Variants in NELL1 observed in about 807,000 individuals in gnomAD.
NELL1 encodes neural EGFL like 1.
A neutral mutation model predicts 107.4 loss-of-function variants in NELL1; 76 were observed. That is an observed-to-expected ratio of 0.71 (90% confidence interval 0.59 to 0.86). The LOEUF (loss-of-function observed/expected upper bound fraction) is 0.86. Ranked by LOEUF, NELL1 falls within the 40% of genes least tolerant of loss-of-function variation. The pLI is 0.00. For synonymous variants in NELL1, 353 were observed against 341.2 expected (o/e 1.03, Z -0.38); for missense variants, 1,024 against 1,005.5 (o/e 1.02, Z -0.25).
intron 15 of NELL1, among the ~76,000 whole-genome samples, chr11:21,474,179 C>G (rs1157044188): frequency 1.3e-5 from 2 of 152,002 alleles, no homozygotes; most frequent in Admixed American, 6.6e-5. Context: ...ATTTTACTCA[C>G]ATTAACTTTC....
At chr11:21,403,137 A>G (rs1311253389) in intron 15 of NELL1, among the ~76,000 whole-genome samples, 2 of 151,740 alleles carry the variant, frequency 1.3e-5, no homozygotes, top group African/African-American at 2.4e-5. Context: ...CTCTATTTTC[A>G]TTATCTTAGA....
intron 12 of NELL1, among the ~76,000 whole-genome samples, chr11:21,053,809 G>T (rs1472708730): frequency 6.6e-6 from 1 of 152,160 alleles, no homozygotes; most frequent in Non-Finnish European, 1.5e-5. Context: ...ATGTGTCCAT[G>T]TTTACACTAG....
intron 2 of NELL1, among the ~76,000 whole-genome samples, chr11:20,778,233 C>A (rs1429767352): frequency 1.3e-5 from 2 of 152,182 alleles, no homozygotes; most frequent in Non-Finnish European, 2.9e-5. Flanking sequence ...TATTCTGCAA[C>A]TATTGTCATA....
At chr11:21,339,055 C>G (rs750386410) in intron 14 of NELL1, among the ~76,000 whole-genome samples, 1 of 152,168 alleles carries the variant, frequency 6.6e-6, no homozygotes, top group Non-Finnish European at 1.5e-5. Context: ...AGTTCTGAAG[C>G]CCTATTCTAA....
At chr11:21,101,425 C>T (rs1854809312) in intron 12 of NELL1, among the ~76,000 whole-genome samples, 1 of 152,196 alleles carries the variant, frequency 6.6e-6, no homozygotes, top group African/African-American at 2.4e-5. Context: ...CTGACTTCCA[C>T]AATGGTTGAA....
intron 14 of NELL1, among the ~76,000 whole-genome samples, chr11:21,319,166 T>C (rs141437142): frequency 5.3e-4 from 81 of 151,686 alleles, no homozygotes; most frequent in East Asian, 4.9e-3. Context: ...TATATGTATG[T>C]ATACATATTA....
intron 12 of NELL1, among the ~76,000 whole-genome samples, chr11:20,977,000 G>A (rs1369966359): frequency 6.6e-6 from 1 of 151,290 alleles, no homozygotes; most frequent in Admixed American, 6.6e-5. Flanking sequence ...TCGTCATTTT[G>A]CTTTCCTCTT....
intron 2 of NELL1, among the ~76,000 whole-genome samples, chr11:20,706,235 C>T (rs1394207537): frequency 6.6e-6 from 1 of 152,114 alleles, no homozygotes; most frequent in South Asian, 2.1e-4. Context: ...TATTGTGGCA[C>T]TATTCACAAT....
intron 14 of NELL1, among the ~76,000 whole-genome samples, chr11:21,321,816 G>A (rs533543374): frequency 6.6e-6 from 1 of 152,314 alleles, no homozygotes; most frequent in South Asian, 2.1e-4. Context: ...ATGGTGTAAG[G>A]TATTGAGAAT....
chr11:21,109,147 G>C (rs1855044267), intron 12 of NELL1, among the ~76,000 whole-genome samples: 1 of 152,074 alleles, frequency 6.6e-6, no homozygotes, highest in Non-Finnish European at 1.5e-5. Flanking sequence ...ACCACGAGGA[G>C]TCAAGATAAA....
chr11:20,767,748 A>G (rs1856561767), intron 2 of NELL1, among the ~76,000 whole-genome samples: 1 of 151,300 alleles, frequency 6.6e-6, no homozygotes, highest in South Asian at 2.1e-4. Flanking sequence ...TCATTCATTC[A>G]TGCACTCAAC....
intron 12 of NELL1, among the ~76,000 whole-genome samples, chr11:21,050,186 A>G (rs952189591): frequency 1.3e-5 from 2 of 152,102 alleles, no homozygotes; most frequent in Non-Finnish European, 2.9e-5. Context: ...TTAGCACATG[A>G]GATAATATGT....
intron 15 of NELL1, among the ~76,000 whole-genome samples, chr11:21,530,574 A>G (rs941171319): frequency 4.6e-5 from 7 of 152,072 alleles, no homozygotes; most frequent in African/African-American, 1.7e-4. Flanking sequence ...AATTATAGAA[A>G]TTGTTATAAT....
intron 12 of NELL1, among the ~76,000 whole-genome samples, chr11:21,089,160 G>A (rs1045236538): frequency 6.6e-6 from 1 of 152,166 alleles, no homozygotes; most frequent in Non-Finnish European, 1.5e-5. Flanking sequence ...TTATTTTTCA[G>A]TATAATAATT....
chr11:21,435,780 T>TTG (rs150816013), intron 15 of NELL1, among the ~76,000 whole-genome samples: 10 of 149,780 alleles, frequency 6.7e-5, no homozygotes, highest in South Asian at 2.1e-4. Context: ...GGTCTGTACT[T>TTG]TGTGTGTGTG....
Position 20,701,219 on chromosome 11 carries a change from T to C in NELL1, c.184+23159T>C, listed in dbSNP as rs531073870. Among the ~76,000 whole-genome samples the C allele has an allele frequency of 3.9e-5, 6 of 152,284 alleles. No individual in the cohort carries two copies. The East Asian group carries it at 9.6e-4, about 24-fold the overall frequency. On this transcript the variant is annotated intron_variant, in intron 2 of 19. Coordinates refer to ENST00000357134, the MANE Select transcript of NELL1 (RefSeq NM_006157.5). ...TGCCATTCTAACTGGTGTGAGATGG[T>C]ATCTCATTGTGGTTTTGATTTGCAT... is the stretch of plus-strand genomic sequence containing the variant.
At chr11:21,292,980 G>T (rs1254425599) in intron 14 of NELL1, among the ~76,000 whole-genome samples, 1 of 152,108 alleles carries the variant, frequency 6.6e-6, no homozygotes, top group Non-Finnish European at 1.5e-5. Context: ...AACCCTAGAA[G>T]AAAACCTAGG....
rs75648836 is a variant in NELL1 at position 21,124,175 on chromosome 11, C to T, written c.1426+10461C>T. Reference sequence around the variant, plus strand: ...AAATATAAGACAATGAACCTATATACATATTATTATGAGAAAAGTGTTATT... The same window carrying T: ...AAATATAAGACAATGAACCTATATATATATTATTATGAGAAAAGTGTTATT... On this transcript the variant is annotated intron_variant, in intron 13 of 19. Coordinates refer to ENST00000357134, the MANE Select transcript of NELL1 (RefSeq NM_006157.5). Among the ~76,000 whole-genome samples, 1,468 of 152,148 alleles carry T rather than the reference C, an allele frequency of 9.6e-3. 65 individuals are homozygous for T. The East Asian group carries it at 0.11, about 12-fold the overall frequency.
intron 13 of NELL1, among the ~76,000 whole-genome samples, chr11:21,193,411 G>A (rs1590720878): frequency 6.6e-6 from 1 of 151,786 alleles, no homozygotes; most frequent in Admixed American, 6.6e-5. Flanking sequence ...TCTGAATGCA[G>A]ACCATGCAGA....
Sources: allele counts gnomAD v4.1 joint callset (sites outside exome capture counted in the v4.1 genomes callset), GRCh38; gene constraint gnomAD v4.1.1; transcripts MANE v1.5; gene names NCBI Gene and HGNC (gene_info 2026-07-23, HGNC 2026-07-21).